RASA4: variants seen among roughly 807,000 people sequenced by gnomAD.
RASA4 encodes the protein ras GTPase-activating protein 4.
Under a neutral mutation model 24.0 loss-of-function variants are expected in RASA4, and 5 were observed. That is an observed-to-expected ratio of 0.21 (90% CI 0.11 to 0.44). The LOEUF (loss-of-function observed/expected upper bound fraction) is 0.44, where lower values mean the gene tolerates loss of function less well. Among genes scored for constraint, RASA4 ranks in the 20% least tolerant of loss-of-function variants. RASA4 has a pLI of 0.99. For synonymous variants in RASA4, 9 were observed against 132.7 expected, an observed-to-expected ratio of 0.07 and a Z score of 6.41; for missense variants, 38 against 293.0, an observed-to-expected ratio of 0.13 and a Z score of 6.35.
intron 8 of RASA4, among the ~76,000 whole-genome samples, 170 bp downstream of exon 8, chr7:102,599,690 A>G (rs1360912600): frequency 7.0e-6 from 1 of 143,200 alleles, no homozygotes; most frequent in Non-Finnish European, 1.6e-5. Flanking sequence ...GAGCCCAGCC[A>G]GGATGAGAAG....
intron 5 of RASA4, among the ~76,000 whole-genome samples, chr7:102,603,486 C>G (rs1259173893): frequency 1.3e-5 from 2 of 151,372 alleles, no homozygotes; most frequent in Non-Finnish European, 3.0e-5. Flanking sequence ...AGGCTGGTCT[C>G]GAAATCTGGG....
chr7:102,594,919 GC>G (rs996669188), intron 11 of RASA4, among the ~76,000 whole-genome samples: 6 of 55,284 alleles, frequency 1.1e-4, no homozygotes, highest in East Asian at 1.1e-3. Context: ...CTAGCACGGG[GC>G]CCAGGCTAGA....
chr7:102,591,662 TC>T (rs1789999796), intron 16 of RASA4, among the ~76,000 whole-genome samples: 1 of 145,186 alleles, frequency 6.9e-6, no homozygotes, highest in South Asian at 2.2e-4. Flanking sequence ...CCAGGAAGCC[TC>T]CCCTGTTTGC....
At chr7:102,589,943 AGGCCATTCCCAC>A in intron 17 of RASA4, among the ~76,000 whole-genome samples, 1 of 91,234 alleles carries the variant, frequency 1.1e-5, no homozygotes, top group Admixed American at 1.1e-4. Flanking sequence ...CATAGCACCC[AGGCCATTCCCAC>A]AGCACCCAGG....
Position 102,580,207 on chromosome 7 carries a change from G to A in RASA4, c.*2564C>T, listed in dbSNP as rs1801473170. 5.9e-6 allele frequency: 1 copy of A among 169,068 alleles called. No homozygotes were observed. The highest frequency in any genetic ancestry group is 2.5e-5 in the African/African-American group (1 of 40,530). 10.5% of individuals were successfully genotyped at this position (169,068 alleles called of 1,614,324 possible). On this transcript the variant is annotated 3_prime_UTR_variant, in exon 21 of 21. Coordinates refer to ENST00000262940, the MANE Select transcript of RASA4 (RefSeq NM_006989.6). ...CTTAACATTTTGTTTTGTTGCAATT[G>A]GTTGCTGTAAGTCACCTAAATATCT...
chr7:102,591,764 C>A (rs1790007048), intron 16 of RASA4, among the ~76,000 whole-genome samples: 1 of 149,888 alleles, frequency 6.7e-6, no homozygotes, highest in Non-Finnish European at 1.5e-5. Flanking sequence ...GGCCCTGGGT[C>A]AGGACCCTTA....
intron 4 of RASA4, among the ~76,000 whole-genome samples, chr7:102,606,673 CAA>C (rs530052250): frequency 2.5e-4 from 16 of 63,280 alleles, no homozygotes; most frequent in East Asian, 8.3e-4. Flanking sequence ...GACCCCATCT[CAA>C]AAAAAAAAAA....
intron 16 of RASA4, among the ~76,000 whole-genome samples, chr7:102,591,936 C>T (rs1252316557): frequency 1.4e-3 from 213 of 150,850 alleles, no homozygotes; most frequent in Non-Finnish European, 2.5e-3. Context: ...CAGGTTCAAG[C>T]GATTCCCGTG....
intron 16 of RASA4, among the ~76,000 whole-genome samples, chr7:102,591,102 G>C (rs1387868234): frequency 3.5e-5 from 3 of 86,758 alleles, no homozygotes; most frequent in Non-Finnish European, 6.4e-5. Context: ...GGGCAGCATA[G>C]CAAGACCCCA....
rs1789660285 is a variant in RASA4, at chr7:102,580,847, A to G, written c.*1924T>C. ...AACACAGTGAGACTCTGTCTCAAAA[A>G]AAAAAAAAAAAAAAAAACTATAAAG... On this transcript the variant is annotated 3_prime_UTR_variant, in exon 21 of 21. Coordinates refer to ENST00000262940, the MANE Select transcript of RASA4 (RefSeq NM_006989.6). 1.2e-5 allele frequency: 1 copy of G among 83,984 alleles called. No individual in the cohort carries two copies. Among genetic ancestry groups the G allele is most frequent in the African/African-American group, 3.5e-5 (1 of 28,232 alleles). The allele number at this position is 83,984 out of a possible 1,614,324, so 5.2% of individuals were successfully genotyped here.
chr7:102,605,940 C>T lies in RASA4; in HGVS notation c.346G>A (p.Val116Met), dbSNP rs1477131131. The change falls in exon 5 of 21, where the codon GTG becomes ATG. Residue 116 changes from valine to methionine, a missense_variant. By Grantham distance (21) the Val-to-Met change is conservative (BLOSUM62 1). Transcript: ENST00000262940. ...HLTEVDPDEE[V>M]QGEIHLRLEV... ...AGCCGCAGGTGGATCTCGCCCTGCACCTCCTCATCGGGGTCGACCTCCGTC... is the reference window on the plus strand; with the variant it reads ...AGCCGCAGGTGGATCTCGCCCTGCATCTCCTCATCGGGGTCGACCTCCGTC... The T allele has an allele frequency of 1.9e-6, 3 of 1,600,874 alleles. No individual in the cohort carries two copies. The highest frequency in any genetic ancestry group is 1.1e-5 in the South Asian group (1 of 89,818).
intron 16 of RASA4, among the ~76,000 whole-genome samples, chr7:102,590,778 T>C (rs1381555834): frequency 2.1e-5 from 3 of 142,976 alleles, no homozygotes; most frequent in Non-Finnish European, 4.5e-5. Flanking sequence ...CTGTGTCTAC[T>C]AAAAATACAA....
Position 102,580,968 on chromosome 7 carries a change from G to A in RASA4, c.*1803C>T, listed in dbSNP as rs1377234444. Reference sequence around the variant, plus strand: ...CAAAGCCCACTCCTCCTTTCTGGGGGTCCCAGTTTCGTGATCTCTTCTTCC... The same window carrying A: ...CAAAGCCCACTCCTCCTTTCTGGGGATCCCAGTTTCGTGATCTCTTCTTCC... On this transcript the variant is annotated 3_prime_UTR_variant, in exon 21 of 21. Transcript: ENST00000262940. 1 of 72,756 alleles carries A rather than the reference G, an allele frequency of 1.4e-5. No homozygotes were observed. Among genetic ancestry groups the A allele is most frequent in the African/African-American group, 3.1e-5 (1 of 31,912 alleles). The allele number at this position is 72,756 out of a possible 1,614,324, so 4.5% of individuals were successfully genotyped here.
chr7:102,606,558 G>T (rs1790679087), intron 4 of RASA4, among the ~76,000 whole-genome samples: 1 of 77,478 alleles, frequency 1.3e-5, no homozygotes, highest in Admixed American at 1.5e-4. Flanking sequence ...TCTTAAAACG[G>T]GAAGAGAGTG....
chr7:102,605,919 G>A lies in RASA4; in HGVS notation c.367C>T (p.Arg123Trp), dbSNP rs139960113. Reference protein sequence around the residue: ...DEEVQGEIHLRLEVWPGARAC... With the variant: ...DEEVQGEIHLWLEVWPGARAC... ...CGGGCCCCTGGCCACACTTCCAGCC[G>A]CAGGTGGATCTCGCCCTGCACCTCC... The change falls in exon 5 of 21, where the codon CGG becomes TGG. Residue 123 changes from arginine to tryptophan, a missense_variant. Arg to Trp is a moderately radical substitution (Grantham distance 101). Coordinates refer to ENST00000262940, the MANE Select transcript of RASA4 (RefSeq NM_006989.6). 135 of 1,594,626 alleles carry A rather than the reference G, an allele frequency of 8.5e-5. 1 individual carries two copies. In the Middle Eastern group the frequency reaches 2.0e-3, roughly 24 times the overall value.
intron 10 of RASA4, 54 bp from the exon 11 acceptor site, chr7:102,595,423 GGGGA>G (rs1310032396): frequency 8.1e-7 from 1 of 1,232,224 alleles, no homozygotes; most frequent in Admixed American, 2.0e-5. Flanking sequence ...TTTGGGGGAG[GGGGA>G]GGACAGAGGA....
chr7:102,585,881 C>T, intron 18 of RASA4, among the ~76,000 whole-genome samples: 2 of 145,482 alleles, frequency 1.4e-5, no homozygotes, highest in Admixed American at 6.8e-5. Flanking sequence ...GAGATGGAGT[C>T]TCGCTCTGTC....
intron 4 of RASA4, among the ~76,000 whole-genome samples, chr7:102,608,282 A>AAT (rs1790746834): frequency 1.4e-5 from 1 of 72,288 alleles, no homozygotes; most frequent in African/African-American, 4.7e-5. Flanking sequence ...TTTTTAAAAA[A>AAT]AAACTATATA....
chr7:102,590,560 G>A (rs1789927716), intron 16 of RASA4, among the ~76,000 whole-genome samples: 1 of 88,358 alleles, frequency 1.1e-5, no homozygotes. Context: ...CATTCCCTGG[G>A]CTACAAAGTC....
Sources: allele counts gnomAD v4.1 joint callset (sites outside exome capture counted in the v4.1 genomes callset), GRCh38; gene constraint gnomAD v4.1.1; transcripts MANE v1.5; gene names NCBI Gene and HGNC (gene_info 2026-07-23, HGNC 2026-07-21).